The following CLYBL variants were observed in gnomAD, a reference collection of about 807,000 sequenced individuals.
CLYBL encodes citramalyl-CoA lyase, mitochondrial.
CLYBL carries 31 observed loss-of-function variants against 38.9 expected under a neutral mutation model. The observed-to-expected ratio is 0.80, with a 90% CI of 0.60 to 1.08. The LOEUF (loss-of-function observed/expected upper bound fraction) is 1.08, where lower values mean the gene tolerates loss of function less well. Ranked by LOEUF, CLYBL falls within the 50% of genes least tolerant of loss-of-function variation. The pLI is 0.00. For missense variants in CLYBL, 434 were observed against 411.6 expected, an observed-to-expected ratio of 1.05 and a Z score of -0.47; for synonymous variants, 171 against 158.6, an observed-to-expected ratio of 1.08 and a Z score of -0.59.
At chr13:99,786,257 G>A (rs1227175412) in intron 2 of CLYBL, among the ~76,000 whole-genome samples, 1 of 140,806 alleles carries the variant, frequency 7.1e-6, no homozygotes, top group African/African-American at 2.7e-5. Context: ...TGCACAATAT[G>A]CAGGTTTGTT....
chr13:99,682,762 A>C (rs2047755748), intron 1 of CLYBL, among the ~76,000 whole-genome samples: 1 of 151,722 alleles, frequency 6.6e-6, no homozygotes, highest in Admixed American at 6.6e-5. Flanking sequence ...TTTGAAACGG[A>C]GTCTCATTCT....
At chr13:99,662,074 A>C (rs1197003721) in intron 1 of CLYBL, among the ~76,000 whole-genome samples, 1 of 152,178 alleles carries the variant, frequency 6.6e-6, no homozygotes. Flanking sequence ...AATGACCCCA[A>C]ATTGGAAGAA....
chr13:99,804,221 A>G (rs776159379), intron 2 of CLYBL, among the ~76,000 whole-genome samples: 2 of 152,318 alleles, frequency 1.3e-5, no homozygotes, highest in Non-Finnish European at 2.9e-5. Flanking sequence ...CCCAGCAGCC[A>G]CTCATCAGGA....
intron 1 of CLYBL, among the ~76,000 whole-genome samples, chr13:99,642,412 G>A (rs1489133528): frequency 2.6e-5 from 4 of 151,036 alleles, no homozygotes; most frequent in Non-Finnish European, 5.9e-5. Flanking sequence ...TATGATTATT[G>A]TTATTATTAT....
intron 1 of CLYBL, among the ~76,000 whole-genome samples, chr13:99,755,022 C>T (rs569506567): frequency 2.0e-4 from 30 of 151,964 alleles, no homozygotes; most frequent in East Asian, 1.2e-3. Flanking sequence ...TTCAAACCCC[C>T]GGGTAGCTGG....
chr13:99,779,043 G>A (rs1304936706), intron 2 of CLYBL, among the ~76,000 whole-genome samples: 1 of 152,190 alleles, frequency 6.6e-6, no homozygotes, highest in Non-Finnish European at 1.5e-5. Flanking sequence ...GGAGACACAA[G>A]CTGTTGTTGA....
intron 2 of CLYBL, among the ~76,000 whole-genome samples, chr13:99,799,156 T>C (rs1200181936): frequency 6.6e-6 from 1 of 152,170 alleles, no homozygotes; most frequent in East Asian, 1.9e-4. Context: ...TGAATAAATG[T>C]CTGCTATTTT....
chr13:99,656,708 A>C (rs1411657802), intron 1 of CLYBL, among the ~76,000 whole-genome samples: 3 of 152,252 alleles, frequency 2.0e-5, no homozygotes, highest in Non-Finnish European at 2.9e-5. Context: ...AAGGATTAAT[A>C]GGTAACAAAT....
intron 2 of CLYBL, among the ~76,000 whole-genome samples, chr13:99,813,752 C>G (rs1342518351): frequency 6.6e-6 from 1 of 152,184 alleles, no homozygotes; most frequent in African/African-American, 2.4e-5. Context: ...GACAGTAGTA[C>G]TGTATATATA....
intron 2 of CLYBL, among the ~76,000 whole-genome samples, chr13:99,780,576 G>C (rs1167654031): frequency 1.3e-5 from 2 of 151,348 alleles, no homozygotes; most frequent in African/African-American, 4.9e-5. Context: ...CAGAGATGGG[G>C]TTTCACCATG....
chr13:99,814,875 C>A (rs1459456922), intron 2 of CLYBL, among the ~76,000 whole-genome samples: 2 of 151,948 alleles, frequency 1.3e-5, no homozygotes, highest in African/African-American at 4.8e-5. Flanking sequence ...TACAAAAAAT[C>A]AAAAATTAGC....
intron 1 of CLYBL, among the ~76,000 whole-genome samples, chr13:99,654,168 A>G (rs1310198978): frequency 1.3e-5 from 2 of 152,126 alleles, no homozygotes; most frequent in African/African-American, 4.8e-5. Context: ...CATCCCATCA[A>G]TCAGAACTTT....
intron 1 of CLYBL, among the ~76,000 whole-genome samples, chr13:99,728,280 CTTTT>C (rs55834602): frequency 9.3e-6 from 1 of 107,636 alleles, no homozygotes; most frequent in Non-Finnish European, 2.0e-5. Flanking sequence ...CTTTTCTTTT[CTTTT>C]TTTTTTTTTT....
At chr13:99,700,592 C>T (rs974016267) in intron 1 of CLYBL, among the ~76,000 whole-genome samples, 2 of 152,158 alleles carry the variant, frequency 1.3e-5, no homozygotes, top group African/African-American at 4.8e-5. Flanking sequence ...CTTTGACTCC[C>T]TCAAGTTTCC....
intron 2 of CLYBL, among the ~76,000 whole-genome samples, chr13:99,846,045 T>TA (rs199602639): frequency 0.015 from 2,275 of 150,010 alleles, 26 homozygotes; most frequent in Middle Eastern, 0.045. Context: ...CAACCAAGAA[T>TA]AAAAAAAAAT....
At chr13:99,879,584 A>G (rs536309211) in intron 7 of CLYBL, among the ~76,000 whole-genome samples, 1 of 152,328 alleles carries the variant, frequency 6.6e-6, no homozygotes, top group African/African-American at 2.4e-5. Flanking sequence ...AGGCGCTGCC[A>G]AATATATAGC....
chr13:99,823,015 A>T (rs1034800751), intron 2 of CLYBL, among the ~76,000 whole-genome samples: 1 of 152,210 alleles, frequency 6.6e-6, no homozygotes, highest in Non-Finnish European at 1.5e-5. Context: ...TTTTGGGATT[A>T]TATCAACATT....
intron 2 of CLYBL, among the ~76,000 whole-genome samples, chr13:99,826,630 A>G (rs2050700766): frequency 6.6e-6 from 1 of 152,240 alleles, no homozygotes; most frequent in Non-Finnish European, 1.5e-5. Flanking sequence ...ATCCCAAATC[A>G]TAGTCCAACT....
intron 2 of CLYBL, among the ~76,000 whole-genome samples, chr13:99,798,578 A>AAAAGAGAGTATT (rs1310055844): frequency 6.6e-6 from 1 of 152,240 alleles, no homozygotes; most frequent in African/African-American, 2.4e-5. Flanking sequence ...TGCATGATGT[A>AAAAGAGAGTATT]AAAGAGAGTA....
Sources: gnomAD v4.1 joint callset for allele counts (sites outside exome capture counted in the v4.1 genomes callset) on GRCh38, gnomAD v4.1.1 for gene constraint, MANE v1.5 for transcripts, NCBI Gene and HGNC (gene_info 2026-07-23, HGNC 2026-07-21) for gene names.